The following EYA2 variants were observed in gnomAD, a reference collection of about 807,000 sequenced individuals.
EYA2 encodes EYA transcriptional coactivator and phosphatase 2.
EYA2 carries 31 observed loss-of-function variants against 69.2 expected under a neutral mutation model. That is an observed-to-expected ratio of 0.45 (90% CI 0.34 to 0.60). EYA2 has a LOEUF of 0.60. Among genes scored for constraint, EYA2 ranks in the 20% least tolerant of loss-of-function variants. EYA2 has a pLI of 0.02. For synonymous variants in EYA2, 257 were observed against 279.4 expected (o/e 0.92, Z 0.80); for missense variants, 622 against 701.2 (o/e 0.89, Z 1.28).
rs2030218259 is a variant in EYA2 at position 47,049,622 on chromosome 20, C to A, written c.416-22563C>A. 2.0e-5 allele frequency among the ~76,000 whole-genome samples: 3 copies of A among 148,506 alleles called. No homozygotes were observed. The Admixed American group carries it at 2.0e-4, about 10-fold the overall frequency. ...CCCTGCTCCATGTTGTCATGTGACACACCTGTTCCAGCTTCGCCTTCCGCC... is the reference window on the plus strand; with the variant it reads ...CCCTGCTCCATGTTGTCATGTGACAAACCTGTTCCAGCTTCGCCTTCCGCC... On this transcript the variant is annotated intron_variant, in intron 5 of 15. Coordinates refer to ENST00000327619, the MANE Select transcript of EYA2 (RefSeq NM_005244.5).
At chr20:47,145,192 G>T (rs1040531050) in intron 10 of EYA2, among the ~76,000 whole-genome samples, 1 of 152,040 alleles carries the variant, frequency 6.6e-6, no homozygotes, top group Admixed American at 6.6e-5. Flanking sequence ...ATAATCAGAT[G>T]TGAGAACAAG....
intron 15 of EYA2, among the ~76,000 whole-genome samples, chr20:47,186,385 G>A (rs182771467): frequency 2.1e-5 from 2 of 96,662 alleles, no homozygotes; most frequent in Admixed American, 3.0e-4. Flanking sequence ...TTGAGATGAA[G>A]TTTCACTCTT....
chr20:47,116,973 A>G (rs2032911663), intron 9 of EYA2, among the ~76,000 whole-genome samples: 1 of 148,180 alleles, frequency 6.7e-6, no homozygotes, highest in Non-Finnish European at 1.5e-5. Context: ...CCCGCTGTAG[A>G]CTCACTGAAC....
At chr20:47,125,047 GTTTTT>G (rs11478823) in intron 9 of EYA2, among the ~76,000 whole-genome samples, 1 of 88,426 alleles carries the variant, frequency 1.1e-5, no homozygotes, top group Non-Finnish European at 2.3e-5. Flanking sequence ...TTTTGGTTAA[GTTTTT>G]TTTTTTTTTT....
chr20:47,119,983 G>A (rs139727039), intron 9 of EYA2, among the ~76,000 whole-genome samples: 32 of 152,300 alleles, frequency 2.1e-4, no homozygotes, highest in African/African-American at 7.0e-4. Context: ...CAAGGCGGGC[G>A]GATCACCTGA....
chr20:47,065,431 T>C (rs1361954477), intron 5 of EYA2, among the ~76,000 whole-genome samples: 1 of 151,778 alleles, frequency 6.6e-6, no homozygotes, highest in Non-Finnish European at 1.5e-5. Flanking sequence ...CACATACACA[T>C]ACAGTCCCAA....
chr20:47,072,333 C>T (rs1049163672), intron 6 of EYA2, 81 bp downstream of exon 6: 35 of 1,330,778 alleles, frequency 2.6e-5, no homozygotes, highest in African/African-American at 1.0e-4. Flanking sequence ...AGAGAGCCCA[C>T]GACACACACA....
intron 9 of EYA2, chr20:47,117,491 A>G (rs2032932339): frequency 2.0e-6 from 2 of 985,204 alleles, no homozygotes; most frequent in Non-Finnish European, 2.4e-6. Flanking sequence ...GTTCCACCAC[A>G]GTCCTCCCCG....
At chr20:47,042,738 A>G (rs1985149584) in intron 5 of EYA2, among the ~76,000 whole-genome samples, 1 of 152,048 alleles carries the variant, frequency 6.6e-6, no homozygotes, top group African/African-American at 2.4e-5. Flanking sequence ...TAGCTTTTTC[A>G]TCCTTATGCC....
At chr20:47,082,584 TA>T (rs1190247660) in intron 7 of EYA2, among the ~76,000 whole-genome samples, 1 of 152,238 alleles carries the variant, frequency 6.6e-6, no homozygotes, top group East Asian at 1.9e-4. Context: ...AAGGCATTAA[TA>T]AATGGAGATA....
chr20:46,895,333 T>C (rs1600521100), intron 1 of EYA2, among the ~76,000 whole-genome samples: 1 of 151,816 alleles, frequency 6.6e-6, no homozygotes, highest in East Asian at 2.0e-4. Context: ...TGGCGTTTTG[T>C]TCGATTATGG....
chr20:46,897,441 T>G (rs1364748115), intron 1 of EYA2, among the ~76,000 whole-genome samples: 2 of 152,246 alleles, frequency 1.3e-5, no homozygotes, highest in African/African-American at 4.8e-5. Flanking sequence ...AACCGTTTCC[T>G]TATTTTTTCA....
intron 4 of EYA2, among the ~76,000 whole-genome samples, chr20:47,011,435 C>G (rs985639327): frequency 3.3e-5 from 5 of 152,150 alleles, no homozygotes; most frequent in Non-Finnish European, 5.9e-5. Flanking sequence ...AGGATCAAAG[C>G]CAAAGGTTTT....
At chr20:47,058,637 G>A (rs538535466) in intron 5 of EYA2, among the ~76,000 whole-genome samples, 1 of 152,298 alleles carries the variant, frequency 6.6e-6, no homozygotes, top group East Asian at 1.9e-4. Flanking sequence ...TTGAGGCCAG[G>A]AGTTTGAGAC....
rs2033022800 is a variant in EYA2, at chr20:47,120,716, C to T, written c.889-22343C>T. Among the ~76,000 whole-genome samples, 4 of 152,206 alleles carry T rather than the reference C, an allele frequency of 2.6e-5. No individual in the cohort carries two copies. In the South Asian group the frequency reaches 8.3e-4, roughly 32 times the overall value. ...GGAACAGCAGTTCTTGCCCTACTGACCTCATAAGACAAGCCCGAGAATGAT... is the reference window on the plus strand; with the variant it reads ...GGAACAGCAGTTCTTGCCCTACTGATCTCATAAGACAAGCCCGAGAATGAT... On this transcript the variant is annotated intron_variant, in intron 9 of 15. Coordinates refer to ENST00000327619, the MANE Select transcript of EYA2 (RefSeq NM_005244.5).
chr20:47,051,346 A>AG (rs2030321711), intron 5 of EYA2, among the ~76,000 whole-genome samples: 1 of 152,346 alleles, frequency 6.6e-6, no homozygotes, highest in East Asian at 1.9e-4. Context: ...AGGAAGAAGT[A>AG]GGGGGGCGGA....
chr20:47,097,632 C>G (rs2298003), intron 9 of EYA2, among the ~76,000 whole-genome samples: 32,477 of 152,126 alleles, frequency 0.21, 4,153 homozygotes, highest in South Asian at 0.33. Flanking sequence ...TCTTAGCAAT[C>G]GTTTTGCAAA....
intron 9 of EYA2, among the ~76,000 whole-genome samples, chr20:47,106,054 A>AC (rs2032570576): frequency 6.6e-6 from 1 of 152,206 alleles, no homozygotes; most frequent in South Asian, 2.1e-4. Flanking sequence ...AGATTGGCCA[A>AC]CGAGAGGCTT....
At chr20:47,116,507 A>T (rs1321256944) in intron 9 of EYA2, among the ~76,000 whole-genome samples, 1 of 151,394 alleles carries the variant, frequency 6.6e-6, no homozygotes, top group African/African-American at 2.5e-5. Context: ...CTGGAATTGA[A>T]ACCTCATTAT....
Sources: allele counts gnomAD v4.1 joint callset (sites outside exome capture counted in the v4.1 genomes callset), GRCh38; gene constraint gnomAD v4.1.1; transcripts MANE v1.5; gene names NCBI Gene and HGNC (gene_info 2026-07-23, HGNC 2026-07-21).